SELENOF: variants seen among roughly 807,000 people sequenced by gnomAD.
SELENOF encodes 15 kDa selenoprotein.
A neutral mutation model predicts 20.5 loss-of-function variants in SELENOF; 16 were observed. That is an observed-to-expected ratio of 0.78 (90% CI 0.53 to 1.19). The LOEUF (loss-of-function observed/expected upper bound fraction) is 1.19, where lower values mean the gene tolerates loss of function less well. SELENOF is among the 50% of genes most tolerant of loss of function. The probability of loss-of-function intolerance (pLI) is 0.00; values close to 1 mark genes in which losing one functional copy is unlikely to be tolerated. For synonymous variants in SELENOF, 78 were observed against 74.5 expected (o/e 1.05, Z -0.24); for missense variants, 215 against 194.2 (o/e 1.11, Z -0.64).
chr1:86,872,443 A>G (rs1570375239), intron 3 of SELENOF, among the ~76,000 whole-genome samples: 1 of 151,842 alleles, frequency 6.6e-6, no homozygotes, highest in South Asian at 2.1e-4. Context: ...ATCTTGGCTC[A>G]CCGCAACCTC....
At chr1:86,893,092 G>A (rs1659430117) in intron 2 of SELENOF, among the ~76,000 whole-genome samples, 1 of 152,120 alleles carries the variant, frequency 6.6e-6, no homozygotes, top group South Asian at 2.1e-4. Flanking sequence ...GTTAACGGTA[G>A]GCAGATTATA....
At position 86,893,891 on chromosome 1, in the gene SELENOF, A is replaced by G. The variant is rs188575948; in HGVS notation, c.252+9390T>C. Among the ~76,000 whole-genome samples the G allele has an allele frequency of 4.4e-3, 670 of 152,318 alleles. 3 individuals are homozygous for G. The highest frequency in any genetic ancestry group is 5.8e-3 in the Admixed American group (89 of 15,294). ...TGGGAAGTGGAGGGCATCCAATTAT[A>G]TTCATAAATTTATGTTATACACTGC... On this transcript the variant is annotated intron_variant, in intron 2 of 4. Transcript: ENST00000331835.
chr1:86,883,143 AT>A (rs1442866290), intron 2 of SELENOF, among the ~76,000 whole-genome samples: 6 of 150,208 alleles, frequency 4.0e-5, no homozygotes, highest in African/African-American at 1.5e-4. Context: ...AAAAAAAAAA[AT>A]TCGGACACAT....
chr1:86,863,588 G>A lies in SELENOF; in HGVS notation c.384C>T (p.Asp128=). 1 of 1,613,326 alleles carries A rather than the reference G, an allele frequency of 6.2e-7. No individual in the cohort carries two copies. The highest frequency in any genetic ancestry group is 8.5e-7 in the Non-Finnish European group (1 of 1,179,648). ...TGTCGTCCAAAAGCTTTAATACAGG[G>A]TCTGAACCACGGACATACTACAAAA... ...GLQIKYVRGS[D]PVLKLLDDNG... is the part of the protein sequence containing the mutation. The change falls in exon 5 of 5, where the codon GAC becomes GAT. Residue 128 remains aspartate, a synonymous_variant. Coordinates refer to ENST00000331835, the MANE Select transcript of SELENOF (RefSeq NM_004261.5).
intron 1 of SELENOF, among the ~76,000 whole-genome samples, chr1:86,911,860 T>C (rs1659992338): frequency 6.6e-6 from 1 of 151,686 alleles, no homozygotes; most frequent in African/African-American, 2.4e-5. Context: ...CTCGGCTCAG[T>C]GCAACCTCCG....
intron 2 of SELENOF, among the ~76,000 whole-genome samples, chr1:86,887,801 T>C (rs1659264125): frequency 6.6e-6 from 1 of 152,140 alleles, no homozygotes; most frequent in Admixed American, 6.5e-5. Context: ...CCCCTATGTA[T>C]ACTTTAGCTA....
chr1:86,903,175 G>T, intron 2 of SELENOF, 106 bp downstream of exon 2: 1 of 986,102 alleles, frequency 1.0e-6, no homozygotes, highest in Non-Finnish European at 1.5e-6. Context: ...ACTAAAAAAT[G>T]TAAAAGCTTA....
intron 3 of SELENOF, among the ~76,000 whole-genome samples, chr1:86,880,254 G>A (rs528449840): frequency 2.6e-5 from 4 of 151,578 alleles, no homozygotes; most frequent in Admixed American, 1.3e-4. Context: ...TCCCGCCTCC[G>A]CCTCCCGAGT....
intron 2 of SELENOF, among the ~76,000 whole-genome samples, chr1:86,880,960 A>G (rs956544873): frequency 6.6e-6 from 1 of 152,182 alleles, no homozygotes; most frequent in Non-Finnish European, 1.5e-5. Flanking sequence ...TTATTCTTAA[A>G]CCTAGCCAAA....
intron 2 of SELENOF, among the ~76,000 whole-genome samples, chr1:86,903,003 T>G (rs1248949881): frequency 1.3e-5 from 2 of 152,220 alleles, no homozygotes; most frequent in African/African-American, 4.8e-5. Context: ...GGCCAGAAGT[T>G]AGGAAGACTG....
chr1:86,905,167 A>C (rs1557471569), intron 1 of SELENOF, among the ~76,000 whole-genome samples: 1 of 152,186 alleles, frequency 6.6e-6, no homozygotes, highest in Non-Finnish European at 1.5e-5. Flanking sequence ...CCTACACTCC[A>C]TATTCTTCAC....
In SELENOF at chr1:86,903,392, A is replaced by G. The variant is rs756446699; in HGVS notation, c.141T>C (p.Ser47=). The part of the protein sequence containing the change: ...SSEACRELGF[S]SNLLCSSCDL... ...CACAAGAGCTGCAAAGCAAGTTGCT[A>G]GAAAAGCCTAACTCTCTGCATGCCT... Residue 47 remains serine, a synonymous_variant, in exon 2 of 5, where the codon TCT becomes TCC. Transcript: ENST00000331835. 9 of 1,611,886 alleles carry G rather than the reference A, an allele frequency of 5.6e-6. No homozygotes were observed. In the Admixed American group the frequency reaches 1.5e-4, roughly 27 times the overall value.
chr1:86,870,190 T>C (rs1379355411), intron 3 of SELENOF, among the ~76,000 whole-genome samples: 1 of 152,234 alleles, frequency 6.6e-6, no homozygotes, highest in Admixed American at 6.5e-5. Context: ...TGAGAACTTA[T>C]TTTTACTTTA....
chr1:86,900,574 C>T (rs930406034), intron 2 of SELENOF, among the ~76,000 whole-genome samples: 9 of 151,350 alleles, frequency 5.9e-5, no homozygotes, highest in African/African-American at 4.9e-5. Flanking sequence ...AGAGGGAGAC[C>T]GTGGAAAGAG....
chr1:86,909,549 G>A (rs1659922313), intron 1 of SELENOF, among the ~76,000 whole-genome samples: 1 of 152,160 alleles, frequency 6.6e-6, no homozygotes, highest in African/African-American at 2.4e-5. Flanking sequence ...AAATACATAT[G>A]AGACACAACG....
At position 86,914,065 on chromosome 1, in the gene SELENOF, A is replaced by G. The variant is rs1339192172; in HGVS notation, c.47T>C (p.Phe16Ser). Residue 16 changes from phenylalanine (F) to serine (S), a missense_variant, in exon 1 of 5, where the codon TTT becomes TCT. Coordinates refer to ENST00000331835, the MANE Select transcript of SELENOF (RefSeq NM_004261.5). The stretch of plus-strand genomic sequence containing the variant: ...AGTCGCCAACAACAACCGTAGCCCA[A>G]ACGCCGGCACCAGACACCCACTCGG... ...AGPSGCLVPAFGLRLLLATVL... is the reference protein window; with the variant it reads ...AGPSGCLVPASGLRLLLATVL... 6.2e-7 allele frequency: 1 copy of G among 1,613,826 alleles called. No homozygotes were observed. The highest frequency in any genetic ancestry group is 8.5e-7 in the Non-Finnish European group (1 of 1,179,834).
At chr1:86,869,623 A>G (rs1432094402) in intron 3 of SELENOF, among the ~76,000 whole-genome samples, 1 of 152,130 alleles carries the variant, frequency 6.6e-6, no homozygotes, top group African/African-American at 2.4e-5. Context: ...TTTGGTTGTT[A>G]TCAATCTATA....
intron 2 of SELENOF, among the ~76,000 whole-genome samples, chr1:86,900,180 C>T (rs1173895058): frequency 1.3e-4 from 20 of 151,708 alleles, no homozygotes; most frequent in South Asian, 4.2e-4. Context: ...ACTTCCTAGA[C>T]GGGGTGGCGG....
intron 3 of SELENOF, among the ~76,000 whole-genome samples, chr1:86,869,233 C>CAGAA (rs1658690288): frequency 6.6e-6 from 1 of 152,114 alleles, no homozygotes; most frequent in African/African-American, 2.4e-5. Context: ...TGCAAGTACA[C>CAGAA]TTCTAGGACT....
Sources: gnomAD v4.1 joint callset for allele counts (sites outside exome capture counted in the v4.1 genomes callset) on GRCh38, gnomAD v4.1.1 for gene constraint, MANE v1.5 for transcripts, NCBI Gene and HGNC (gene_info 2026-07-23, HGNC 2026-07-21) for gene names.